The following SPHKAP variants were observed in gnomAD, a reference collection of about 807,000 sequenced individuals.
SPHKAP encodes A-kinase anchor protein SPHKAP.
In SPHKAP, 67 loss-of-function variants were observed where a neutral mutation model predicts 137.5. The ratio of observed to expected loss-of-function variants is 0.49; its 90% CI spans 0.40 to 0.60. The LOEUF (loss-of-function observed/expected upper bound fraction) is 0.60. Ranked by LOEUF, SPHKAP falls within the 20% of genes least tolerant of loss-of-function variation. SPHKAP has a pLI of 0.00. For synonymous variants in SPHKAP, 813 were observed against 785.3 expected, an observed-to-expected ratio of 1.04 and a Z score of -0.59; for missense variants, 2,097 against 2,069.3, an observed-to-expected ratio of 1.01 and a Z score of -0.26.
intron 1 of SPHKAP, among the ~76,000 whole-genome samples, chr2:228,178,277 T>C (rs1209388489): frequency 6.6e-6 from 1 of 152,334 alleles, no homozygotes; most frequent in Admixed American, 6.5e-5. Flanking sequence ...TATGGATTTT[T>C]AAATACAATT....
At chr2:228,066,868 G>A (rs941167181) in intron 3 of SPHKAP, among the ~76,000 whole-genome samples, 5 of 152,114 alleles carry the variant, frequency 3.3e-5, no homozygotes, top group African/African-American at 9.7e-5. Flanking sequence ...AACTAAGCTC[G>A]TAAATGGAAG....
intron 3 of SPHKAP, among the ~76,000 whole-genome samples, chr2:228,046,018 A>G (rs1332462568): frequency 6.6e-6 from 1 of 152,074 alleles, no homozygotes; most frequent in African/African-American, 2.4e-5. Flanking sequence ...ACTTAATTGT[A>G]CTATATTGTT....
chr2:228,023,625 C>T (rs1001473391), intron 5 of SPHKAP, among the ~76,000 whole-genome samples: 1 of 152,100 alleles, frequency 6.6e-6, no homozygotes, highest in African/African-American at 2.4e-5. Context: ...TTTCCGAGTG[C>T]CTATTGCATG....
intron 3 of SPHKAP, among the ~76,000 whole-genome samples, chr2:228,080,105 A>G (rs1697312557): frequency 6.6e-6 from 1 of 152,162 alleles, no homozygotes; most frequent in Admixed American, 6.5e-5. Context: ...CATAGGTAAC[A>G]AAAGCAAAAA....
chr2:228,173,022 C>T, intron 1 of SPHKAP: 1 of 985,312 alleles, frequency 1.0e-6, no homozygotes, highest in Non-Finnish European at 1.2e-6. Flanking sequence ...CTGCAATAAA[C>T]ATGTGCCAAA....
Position 228,018,107 on chromosome 2 carries a change from A to T in SPHKAP, c.2747T>A (p.Leu916His). 1 of 1,614,168 alleles carries T rather than the reference A, an allele frequency of 6.2e-7. No individual in the cohort carries two copies. Among genetic ancestry groups the T allele is most frequent in the East Asian group, 2.2e-5 (1 of 44,846 alleles). Residue 916 changes from leucine (L) to histidine (H), a missense_variant, in exon 7 of 12, where the codon CTT (leucine) becomes CAT (histidine). Physicochemically the swap from Leu to His is moderately conservative, Grantham distance 99 (BLOSUM62 -3). Transcript: ENST00000392056. ...GTAGATGTCTGGATGCTTTGTTTGA[A>T]GCGTGGATTGAGCAGGAAGCAGCAG... Reference protein sequence around the residue: ...DDLLLPAQSTLQTKHPDIYCI... With the variant: ...DDLLLPAQSTHQTKHPDIYCI...
chr2:227,995,314 A>C (rs542729158), intron 8 of SPHKAP, among the ~76,000 whole-genome samples, 195 bp downstream of exon 8: 1 of 152,320 alleles, frequency 6.6e-6, no homozygotes, highest in Admixed American at 6.5e-5. Flanking sequence ...AAAGTAATTT[A>C]AGCCATAACT....
intron 1 of SPHKAP, among the ~76,000 whole-genome samples, chr2:228,161,788 A>AT (rs1266479629): frequency 4.4e-4 from 67 of 152,328 alleles, no homozygotes; most frequent in African/African-American, 1.5e-3. Flanking sequence ...CCACTCTTAC[A>AT]AATTGCCCTT....
intron 3 of SPHKAP, among the ~76,000 whole-genome samples, chr2:228,047,391 G>A (rs1367276302): frequency 2.0e-5 from 3 of 151,712 alleles, no homozygotes; most frequent in South Asian, 2.1e-4. Flanking sequence ...ACTTGAACCC[G>A]GGAGGCGGAG....
At chr2:227,987,412 G>A (rs1202412683) in intron 11 of SPHKAP, among the ~76,000 whole-genome samples, 1 of 152,162 alleles carries the variant, frequency 6.6e-6, no homozygotes, top group African/African-American at 2.4e-5. Flanking sequence ...TTCTAAATTA[G>A]AATGTAAAAT....
At chr2:228,032,312 C>T (rs140261893) in intron 3 of SPHKAP, among the ~76,000 whole-genome samples, 13,282 of 151,642 alleles carry the variant, frequency 0.088, 652 homozygotes, top group Middle Eastern at 0.2. Flanking sequence ...TGAAATGAAG[C>T]GAGAAGGGAA....
intron 1 of SPHKAP, among the ~76,000 whole-genome samples, chr2:228,142,996 A>G (rs1157735034): frequency 6.6e-6 from 1 of 152,140 alleles, no homozygotes; most frequent in East Asian, 1.9e-4. Flanking sequence ...CGAGGAATCT[A>G]TTTTAGATGA....
At chr2:228,135,334 A>C (rs562250992) in intron 1 of SPHKAP, among the ~76,000 whole-genome samples, 1 of 152,158 alleles carries the variant, frequency 6.6e-6, no homozygotes, top group Non-Finnish European at 1.5e-5. Context: ...CTCTAGAAAG[A>C]AATCACATCT....
At chr2:228,014,967 A>T (rs573045621) in intron 7 of SPHKAP, among the ~76,000 whole-genome samples, 67 of 152,028 alleles carry the variant, frequency 4.4e-4, no homozygotes, top group Non-Finnish European at 2.1e-4. Context: ...ATGTGCACAA[A>T]GTGCAGGTTA....
At chr2:228,065,208 A>C (rs1450381169) in intron 3 of SPHKAP, among the ~76,000 whole-genome samples, 1 of 152,196 alleles carries the variant, frequency 6.6e-6, no homozygotes, top group Admixed American at 6.5e-5. Context: ...GTGTGCTGTG[A>C]GTAATAGAGT....
rs916734795 is a variant in SPHKAP, at chr2:227,981,246, T to G, written c.*471A>C. 3 of 152,342 alleles carry G rather than the reference T, an allele frequency of 2.0e-5. No individual in the cohort carries two copies. The highest frequency in any genetic ancestry group is 7.2e-5 in the African/African-American group (3 of 41,474). 9.4% of individuals were successfully genotyped at this position (152,342 alleles called of 1,614,324 possible). ...AGTCTGGGGATTTCTCACCCATATC[T>G]TAAGTATTTCTCCGGGCTGGCAGCC... On this transcript the variant is annotated 3_prime_UTR_variant, in exon 12 of 12. Transcript: ENST00000392056.
intron 2 of SPHKAP, among the ~76,000 whole-genome samples, chr2:228,109,695 G>A (rs1217546082): frequency 1.3e-5 from 2 of 152,130 alleles, no homozygotes; most frequent in Admixed American, 6.5e-5. Flanking sequence ...GCTGGGCGTG[G>A]TGGGTTACAC....
intron 3 of SPHKAP, among the ~76,000 whole-genome samples, chr2:228,043,636 G>A (rs1023923985): frequency 5.9e-5 from 9 of 152,184 alleles, no homozygotes; most frequent in South Asian, 4.2e-4. Context: ...CAAGGATGTA[G>A]TTTTCATTGA....
chr2:228,114,960 G>A (rs1698656870), intron 2 of SPHKAP, among the ~76,000 whole-genome samples: 1 of 152,108 alleles, frequency 6.6e-6, no homozygotes, highest in African/African-American at 2.4e-5. Context: ...CTATCACCAA[G>A]GATGGACTGG....
Sources: gnomAD v4.1 joint callset for allele counts (sites outside exome capture counted in the v4.1 genomes callset) on GRCh38, gnomAD v4.1.1 for gene constraint, MANE v1.5 for transcripts, NCBI Gene and HGNC (gene_info 2026-07-23, HGNC 2026-07-21) for gene names.